TRIM49C: variants seen among roughly 807,000 people sequenced by gnomAD.
TRIM49C encodes the protein tripartite motif containing 49C.
A neutral mutation model predicts 21.4 loss-of-function variants in TRIM49C; 6 were observed. The observed-to-expected ratio is 0.28, with a 90% CI of 0.15 to 0.55. The LOEUF is 0.55. Ranked by LOEUF, TRIM49C falls within the 20% of genes least tolerant of loss-of-function variation. The probability of loss-of-function intolerance (pLI) is 0.94; values close to 1 mark genes in which losing one functional copy is unlikely to be tolerated. For missense variants in TRIM49C, 161 were observed against 442.4 expected (o/e 0.36, Z 5.71); for synonymous variants, 57 against 148.1 (o/e 0.38, Z 4.47).
intron 5 of TRIM49C, 147 bp from the exon 6 acceptor site, chr11:90,038,546 T>G: frequency 8.1e-7 from 1 of 1,231,710 alleles, no homozygotes; most frequent in Non-Finnish European, 1.1e-6. Context: ...GGGTTTTTCA[T>G]TACAGAAGAA....
At chr11:90,032,311 T>G (rs1442061546) in intron 1 of TRIM49C, 86 bp from the exon 2 acceptor site, 1 of 131,486 alleles carries the variant, frequency 7.6e-6, no homozygotes, top group Non-Finnish European at 1.6e-5. Context: ...AGGTGTGTTC[T>G]AAATACTGCA....
the TRIM49C span, among the ~76,000 whole-genome samples, chr11:90,056,172 A>G: frequency 1.5e-5 from 2 of 135,748 alleles, no homozygotes; most frequent in South Asian, 2.4e-4. Flanking sequence ...GTGTTAGCCA[A>G]GATGGTCTCG....
At chr11:90,052,067 A>T in the TRIM49C span, 1 of 572,120 alleles carries the variant, frequency 1.7e-6, no homozygotes, top group Non-Finnish European at 2.8e-6. Context: ...ATGCCTGGCC[A>T]CAAGCTGCTC....
At chr11:90,072,986 C>T in the TRIM49C span, 2,071 of 624,218 alleles carry the variant, frequency 3.3e-3, 170 homozygotes, top group Admixed American at 6.6e-3. Context: ...GATGTTTAGA[C>T]GTGGATCTTT....
At chr11:90,062,847 C>T in the TRIM49C span, 34 of 1,391,494 alleles carry the variant, frequency 2.4e-5, 6 homozygotes, top group South Asian at 2.5e-4. Flanking sequence ...TGAAGGGCAG[C>T]GCATTGGTGC....
downstream of TRIM49C, among the ~76,000 whole-genome samples, chr11:90,043,242 C>T (rs377117240): frequency 0.37 from 46,071 of 123,118 alleles, 8,098 homozygotes; most frequent in African/African-American, 0.51. Flanking sequence ...GGAGGCAACA[C>T]AGTGAGACCT....
the TRIM49C span, among the ~76,000 whole-genome samples, chr11:90,055,634 TG>T: frequency 1.3e-5 from 2 of 150,432 alleles, no homozygotes; most frequent in Non-Finnish European, 3.0e-5. Context: ...ACCTATAGGA[TG>T]GGAATAAATG....
At chr11:90,066,058 T>C in the TRIM49C span, among the ~76,000 whole-genome samples, 1 of 139,378 alleles carries the variant, frequency 7.2e-6, no homozygotes, top group African/African-American at 2.6e-5. Context: ...TCTTGCTCTG[T>C]CGCCCAGGCT....
intron 6 of TRIM49C, among the ~76,000 whole-genome samples, chr11:90,039,051 C>G (rs1048343291): frequency 7.4e-6 from 1 of 135,672 alleles, no homozygotes; most frequent in Non-Finnish European, 1.6e-5. Flanking sequence ...TCCCGAGTAC[C>G]CGGGACTACA....
the TRIM49C span, among the ~76,000 whole-genome samples, chr11:90,067,418 C>G: frequency 2.9e-4 from 43 of 147,376 alleles, no homozygotes; most frequent in Non-Finnish European, 5.4e-4. Context: ...TATAAAATAT[C>G]AATAAGCATG....
rs1950735944 is a variant in TRIM49C, at chr11:90,037,372, G to T, written c.508-377G>T. 1.5e-5 allele frequency among the ~76,000 whole-genome samples: 2 copies of T among 133,906 alleles called. 1 individual carries two copies. Among genetic ancestry groups the T allele is most frequent in the Non-Finnish European group, 3.2e-5 (2 of 62,158 alleles). 87.8% of individuals were successfully genotyped at this position (133,906 alleles called of 152,430 possible). ...GGTCATTTTCATATAATGAGTTTAA[G>T]CAACTTGTTGCATATCTCAGAAATA... On this transcript the variant is annotated intron_variant, in intron 4 of 7. Transcript: ENST00000448984.
At chr11:90,071,250 A>G in the TRIM49C span, 1 of 477,276 alleles carries the variant, frequency 2.1e-6, no homozygotes, top group African/African-American at 2.0e-5. Context: ...AAGGGAAAAC[A>G]TAATTTACTA....
the TRIM49C span, among the ~76,000 whole-genome samples, chr11:90,065,822 G>C: frequency 3.0e-3 from 407 of 136,840 alleles, 43 homozygotes; most frequent in African/African-American, 0.01. Context: ...CGAGTTCGGC[G>C]GCAGGCACTT....
At chr11:90,036,787 G>A (rs1040011681) in intron 4 of TRIM49C, among the ~76,000 whole-genome samples, 3 of 138,714 alleles carry the variant, frequency 2.2e-5, no homozygotes, top group Admixed American at 8.4e-5. Context: ...ATCCAAATAA[G>A]AGAGTCAAAT....
downstream of TRIM49C, among the ~76,000 whole-genome samples, chr11:90,043,181 T>C (rs1950781195): frequency 6.9e-6 from 1 of 144,474 alleles, no homozygotes; most frequent in African/African-American, 2.5e-5. Flanking sequence ...TCCCACCACT[T>C]GGGGAGACCA....
chr11:90,031,932 A>T lies in TRIM49C; in HGVS notation c.-190-465A>T, dbSNP rs1245308998. Among the ~76,000 whole-genome samples, 23 of 135,336 alleles carry T rather than the reference A, an allele frequency of 1.7e-4. 5 individuals are homozygous for T. The highest frequency in any genetic ancestry group is 3.4e-4 in the Non-Finnish European group (21 of 62,516). 88.8% of individuals were successfully genotyped at this position (135,336 alleles called of 152,430 possible). ...CACTTGAAGCCAGGAGCTGGAGAAC[A>T]GCATGGGCTACAGAGTCATACACTG... On this transcript the variant is annotated intron_variant, in intron 1 of 7. Coordinates refer to ENST00000448984, the MANE Select transcript of TRIM49C (RefSeq NM_001195234.1).
At chr11:90,065,631 A>G in the TRIM49C span, among the ~76,000 whole-genome samples, 1 of 141,212 alleles carries the variant, frequency 7.1e-6, no homozygotes, top group African/African-American at 2.5e-5. Flanking sequence ...ATGAGACGCA[A>G]GAAAGTTGAC....
At chr11:90,033,289 T>A (rs1322010973) in intron 2 of TRIM49C, among the ~76,000 whole-genome samples, 2 of 125,472 alleles carry the variant, frequency 1.6e-5, no homozygotes, top group African/African-American at 5.7e-5. Context: ...GCTAAAGGAT[T>A]TAAAATTGCC....
At chr11:90,063,269 C>T in the TRIM49C span, among the ~76,000 whole-genome samples, 33 of 126,392 alleles carry the variant, frequency 2.6e-4, 10 homozygotes, top group African/African-American at 1.1e-3. Flanking sequence ...TATTAGTAAG[C>T]GGTGTGGGAT....
Sources: allele counts gnomAD v4.1 joint callset (sites outside exome capture counted in the v4.1 genomes callset), GRCh38; gene constraint gnomAD v4.1.1; transcripts MANE v1.5; gene names NCBI Gene and HGNC (gene_info 2026-07-23, HGNC 2026-07-21).